SYNM: variants seen among roughly 807,000 people sequenced by gnomAD.
The protein encoded by SYNM is synemin, also known as desmuslin.
Under a neutral mutation model 104.0 loss-of-function variants are expected in SYNM, and 95 were observed. The ratio of observed to expected loss-of-function variants is 0.91; its 90% CI spans 0.77 to 1.08. The LOEUF (loss-of-function observed/expected upper bound fraction) is 1.08, where lower values mean the gene tolerates loss of function less well. Among genes scored for constraint, SYNM ranks in the 50% least tolerant of loss-of-function variants. The pLI is 0.00. For synonymous variants in SYNM, 918 were observed against 869.0 expected (o/e 1.06, Z -0.99); for missense variants, 2,150 against 2,052.2 (o/e 1.05, Z -0.92).
chr15:99,105,109 G>A lies in SYNM; in HGVS notation c.-91G>A. On this transcript the variant is annotated 5_prime_UTR_variant, in exon 1 of 4. Coordinates refer to ENST00000336292, the MANE Select transcript of SYNM (RefSeq NM_145728.3). ...TGCGGGCCTCCGGGGCAGCGGCGAG[G>A]CCGGAGCGTCGCGGCGGAGAGGACG... 1.4e-6 allele frequency: 2 copies of A among 1,425,854 alleles called. No individual in the cohort carries two copies. Among genetic ancestry groups the A allele is most frequent in the Non-Finnish European group, 1.9e-6 (2 of 1,066,256 alleles). The allele number at this position is 1,425,854 out of a possible 1,614,324, so 88.3% of individuals were successfully genotyped here.
At chr15:99,138,011 C>T, downstream of SYNM, 1 of 1,614,126 alleles carries the variant, frequency 6.2e-7, no homozygotes. Context: ...GTGGGGGCCT[C>T]AGTCTGCTGT....
At chr15:99,115,127 G>T (rs1488974776) in intron 2 of SYNM, among the ~76,000 whole-genome samples, 5 of 152,128 alleles carry the variant, frequency 3.3e-5, no homozygotes, top group African/African-American at 1.2e-4. Context: ...TGCCAAAGCT[G>T]TGCCATCCCC....
chr15:99,111,535 C>T (rs1189853004), intron 1 of SYNM, among the ~76,000 whole-genome samples: 1 of 152,188 alleles, frequency 6.6e-6, no homozygotes, highest in African/African-American at 2.4e-5. Flanking sequence ...GTGAGCTTCT[C>T]TGTTTGTAAT....
chr15:99,130,103 A>G lies in SYNM; in HGVS notation c.1743A>G (p.Leu581=). ...SVREREVPIS[L]EVSQDRRAEV... is the part of the protein sequence containing the mutation. ...GAGAGAGAGAGGTGCCGATTAGTCTAGAAGTATCCCAGGACAGAAGAGCAG... is the reference window on the plus strand; with the variant it reads ...GAGAGAGAGAGGTGCCGATTAGTCTGGAAGTATCCCAGGACAGAAGAGCAG... The change falls in exon 4 of 4, where the codon CTA becomes CTG. Residue 581 remains leucine, a synonymous_variant. Coordinates refer to ENST00000336292, the MANE Select transcript of SYNM (RefSeq NM_145728.3). 1 of 1,613,958 alleles carries G rather than the reference A, an allele frequency of 6.2e-7. No individual in the cohort carries two copies. Among genetic ancestry groups the G allele is most frequent in the South Asian group, 1.1e-5 (1 of 91,086 alleles).
At chr15:99,110,583 G>T (rs1445378862) in intron 1 of SYNM, among the ~76,000 whole-genome samples, 26 of 152,194 alleles carry the variant, frequency 1.7e-4, no homozygotes, top group Admixed American at 1.6e-3. Context: ...TAAATCCCCT[G>T]GAGCTCTACC....
rs374839316 is a variant in SYNM, at chr15:99,130,683, G to A, written c.2323G>A (p.Asp775Asn). 6.2e-7 allele frequency: 1 copy of A among 1,613,916 alleles called. No individual in the cohort carries two copies. The highest frequency in any genetic ancestry group is 2.2e-5 in the East Asian group (1 of 44,870). The change falls in exon 4 of 4, where the codon GAT becomes AAT. Residue 775 changes from aspartate (D) to asparagine (N), a missense_variant. By Grantham distance (23) the Asp-to-Asn change is conservative. Transcript: ENST00000336292. ...CCCATTCAAAGTGGAGGAGGTCGAA[G>A]ATGTGTCGCCAGGCCCCTGGGGGTT... ...SVPFKVEEVE[D>N]VSPGPWGLVK... is the part of the protein sequence containing the mutation.
chr15:99,120,568 A>G (rs1555484418), intron 2 of SYNM, among the ~76,000 whole-genome samples: 1 of 152,108 alleles, frequency 6.6e-6, no homozygotes, highest in African/African-American at 2.4e-5. Flanking sequence ...GACAATTGAT[A>G]TGCAGGATAC....
intron 3 of SYNM, among the ~76,000 whole-genome samples, chr15:99,127,864 G>C (rs963767373): frequency 5.3e-5 from 8 of 152,158 alleles, no homozygotes; most frequent in African/African-American, 1.4e-4. Flanking sequence ...AGAGAGAGGG[G>C]AGAAGGAAGA....
At position 99,126,355 on chromosome 15, in the gene SYNM, C is replaced by T. The variant is rs782526796; in HGVS notation, c.936-367C>T. 4.7e-4 allele frequency among the ~76,000 whole-genome samples: 71 copies of T among 152,244 alleles called. 1 individual carries two copies. Among genetic ancestry groups the T allele is most frequent in the Non-Finnish European group, 1.3e-4 (9 of 68,040 alleles). ...CTCTAGCCTGGGGCCCACATCTCTC[C>T]AGTGCCCCCTTGCTCCTGCTCCTCT... On this transcript the variant is annotated intron_variant, in intron 2 of 3. Transcript: ENST00000336292.
chr15:99,105,508 C>T lies in SYNM; in HGVS notation c.309C>T (p.Arg103=). ...TGCAGCGCCTGGATGCGGAGGAGCGCGCCGCCCGCGGCCGCCTGGACGCCG... is the reference window on the plus strand; with the variant it reads ...TGCAGCGCCTGGATGCGGAGGAGCGTGCCGCCCGCGGCCGCCTGGACGCCG... ...RELQRLDAEE[R]AARGRLDAEL... Residue 103 remains arginine, a synonymous_variant, in exon 1 of 4, where the codon CGC becomes CGT. Coordinates refer to ENST00000336292, the MANE Select transcript of SYNM (RefSeq NM_145728.3). The T allele has an allele frequency of 7.8e-7, 1 of 1,277,976 alleles. No homozygotes were observed. Among genetic ancestry groups the T allele is most frequent in the Non-Finnish European group, 9.8e-7 (1 of 1,016,088 alleles). 79.2% of individuals were successfully genotyped at this position (1,277,976 alleles called of 1,614,324 possible).
chr15:99,105,568 G>T lies in SYNM; in HGVS notation c.369G>T (p.Ala123=). ...CGCAGCAGCGCGAGCTGCAGGAGGC[G>T]CTGGGCGCGCGCGCCGCCCTCGAGG... ...LGAQQRELQE[A]LGARAALEAL... is the part of the protein sequence containing the mutation. The change falls in exon 1 of 4, where the codon GCG becomes GCT. Residue 123 remains alanine, a synonymous_variant. Coordinates refer to ENST00000336292, the MANE Select transcript of SYNM (RefSeq NM_145728.3). 8.6e-7 allele frequency: 1 copy of T among 1,167,356 alleles called. No individual in the cohort carries two copies. Among genetic ancestry groups the T allele is most frequent in the Non-Finnish European group, 1.1e-6 (1 of 949,630 alleles). 72.3% of individuals were successfully genotyped at this position (1,167,356 alleles called of 1,614,324 possible). A position where few individuals can be genotyped will look rare whatever the true frequency, so the allele number is the denominator to read the frequency against.
Position 99,113,638 on chromosome 15 carries a change from C to T in SYNM, c.858C>T (p.Ala286=), listed in dbSNP as rs781819361. 5 of 1,613,546 alleles carry T rather than the reference C, an allele frequency of 3.1e-6. No individual in the cohort carries two copies. Among genetic ancestry groups the T allele is most frequent in the Non-Finnish European group, 4.2e-6 (5 of 1,179,732 alleles). The change falls in exon 2 of 4, where the codon GCC becomes GCT. Residue 286 remains alanine, a synonymous_variant. Transcript: ENST00000336292. ...ATGAGAAGGCAACCCTCACCTTGGC[C>T]ATGGCTGACTGGCTGCGGGACTATC... ...LEDEKATLTL[A]MADWLRDYQD...
rs746198100 is a variant in SYNM, at chr15:99,131,873, G to A, written c.3513G>A (p.Val1171=). 8 of 1,613,878 alleles carry A rather than the reference G, an allele frequency of 5.0e-6. No individual in the cohort carries two copies. The African/African-American group carries it at 1.1e-4, about 22-fold the overall frequency. The part of the protein sequence containing the change: ...AASPTGASRS[V]RHVTLGPGQS... The stretch of plus-strand genomic sequence containing the variant: ...GCCCGACCGGAGCCAGCCGGTCTGT[G>A]AGGCATGTCACGCTGGGTCCCGGTC... The change falls in exon 4 of 4, where the codon GTG becomes GTA. Residue 1171 remains valine (V), a synonymous_variant. Transcript: ENST00000336292. This position sits in a 1 kb window ranked among gnomAD's most constrained non-coding sequence, Gnocchi z 4.3.
intron 2 of SYNM, among the ~76,000 whole-genome samples, chr15:99,120,137 G>A (rs1418032518): frequency 2.0e-5 from 3 of 152,140 alleles, no homozygotes; most frequent in African/African-American, 7.2e-5. Context: ...TAATTGGAGA[G>A]CCTGAGATTT....
At chr15:99,139,400 CTG>C (rs565453157), downstream of SYNM, 2 of 1,614,136 alleles carry the variant, frequency 1.2e-6, no homozygotes, top group South Asian at 2.2e-5. Flanking sequence ...TCTGGAGACA[CTG>C]TAGAACACCA....
At chr15:99,115,285 G>C (rs1166863444) in intron 2 of SYNM, among the ~76,000 whole-genome samples, 1 of 152,254 alleles carries the variant, frequency 6.6e-6, no homozygotes, top group East Asian at 1.9e-4. Context: ...TTCACAGGTG[G>C]CAGATTAAAC....
chr15:99,139,735 T>G, downstream of SYNM: 1 of 1,342,038 alleles, frequency 7.5e-7, no homozygotes, highest in Non-Finnish European at 9.9e-7. Context: ...AATGTGGCCC[T>G]TGTTATAGCC....
At chr15:99,128,624 C>T (rs2067469059) in intron 3 of SYNM, among the ~76,000 whole-genome samples, 1 of 152,196 alleles carries the variant, frequency 6.6e-6, no homozygotes, top group African/African-American at 2.4e-5. Context: ...GCGTTCTAAC[C>T]ACCAGCTGCC....
rs1426700393 is a variant in SYNM, at chr15:99,116,485, T to A, written c.935+2770T>A. ...TGTGTTATGAAGGAATAACTGAGAC[T>A]GGATAATTTGCAAAGAAAAGAGGTT... On this transcript the variant is annotated intron_variant, in intron 2 of 3. Transcript: ENST00000336292. Among the ~76,000 whole-genome samples, 4 of 108,486 alleles carry A rather than the reference T, an allele frequency of 3.7e-5. 1 individual carries two copies. The highest frequency in any genetic ancestry group is 8.6e-5 in the Non-Finnish European group (4 of 46,720). 71.2% of individuals were successfully genotyped at this position (108,486 alleles called of 152,430 possible).
Sources: gnomAD v4.1 joint callset for allele counts (sites outside exome capture counted in the v4.1 genomes callset) on GRCh38, gnomAD v4.1.1 for gene constraint, Gnocchi (gnomAD v3.1) non-coding constraint, MANE v1.5 for transcripts, NCBI Gene and HGNC (gene_info 2026-07-23, HGNC 2026-07-21) for gene names.